The following SPRTN variants were observed in gnomAD, a reference collection of about 807,000 sequenced individuals.
SPRTN encodes the protein SprT-like N-terminal domain.
A neutral mutation model predicts 31.9 loss-of-function variants in SPRTN; 11 were observed. The ratio of observed to expected loss-of-function variants is 0.34; its 90% confidence interval spans 0.22 to 0.57. SPRTN has a LOEUF of 0.57. Ranked by LOEUF, SPRTN falls within the 20% of genes least tolerant of loss-of-function variation. SPRTN has a pLI of 0.86. For missense variants in SPRTN, 482 were observed against 590.1 expected, an observed-to-expected ratio of 0.82 and a Z score of 1.90; for synonymous variants, 185 against 212.1, an observed-to-expected ratio of 0.87 and a Z score of 1.11.
At chr1:231,351,205 T>TAA (rs35814914) in intron 3 of SPRTN, 99 bp from the exon 4 acceptor site, 3,525 of 971,606 alleles carry the variant, frequency 3.6e-3, no homozygotes, top group Non-Finnish European at 3.9e-3. Context: ...TTTCAAAAAT[T>TAA]AAAAAAAAAA....
intron 2 of SPRTN, among the ~76,000 whole-genome samples, chr1:231,346,491 T>C (rs1687068608): frequency 6.6e-6 from 1 of 151,990 alleles, no homozygotes; most frequent in African/African-American, 2.4e-5. Context: ...CATTTATACT[T>C]CTTCTGTGAA....
At chr1:231,345,918 TC>T (rs1687044143) in intron 2 of SPRTN, among the ~76,000 whole-genome samples, 1 of 152,150 alleles carries the variant, frequency 6.6e-6, no homozygotes, top group African/African-American at 2.4e-5. Flanking sequence ...CCTCAAGTGA[TC>T]CTCCCATCTC....
chr1:231,344,923 A>G (rs1220564044), intron 2 of SPRTN, among the ~76,000 whole-genome samples: 1 of 152,178 alleles, frequency 6.6e-6, no homozygotes, highest in African/African-American at 2.4e-5. Context: ...GCTATACACA[A>G]AGATGTCTTG....
At chr1:231,350,537 A>G (rs1687192846) in intron 3 of SPRTN, among the ~76,000 whole-genome samples, 3 of 152,080 alleles carry the variant, frequency 2.0e-5, no homozygotes, top group Admixed American at 2.0e-4. Context: ...AAGGCATCCT[A>G]CTTAAGGCCT....
chr1:231,350,869 C>A (rs781360108), intron 3 of SPRTN, among the ~76,000 whole-genome samples: 5 of 152,002 alleles, frequency 3.3e-5, no homozygotes, highest in Non-Finnish European at 5.9e-5. Flanking sequence ...CTTTAGAACC[C>A]TTTGCTATTT....
At chr1:231,340,706 G>A (rs1686855532) in intron 2 of SPRTN, among the ~76,000 whole-genome samples, 1 of 152,040 alleles carries the variant, frequency 6.6e-6, no homozygotes, top group Non-Finnish European at 1.5e-5. Context: ...GCTGAGGCAG[G>A]AGGATCTCTT....
intron 2 of SPRTN, among the ~76,000 whole-genome samples, chr1:231,345,607 C>G (rs1326125679): frequency 2.0e-5 from 3 of 152,182 alleles, no homozygotes; most frequent in Admixed American, 6.5e-5. Flanking sequence ...TGCATATGAC[C>G]TTGCATGCTA....
intron 2 of SPRTN, among the ~76,000 whole-genome samples, chr1:231,343,377 C>T (rs1206748720): frequency 6.6e-6 from 1 of 151,926 alleles, no homozygotes; most frequent in African/African-American, 2.4e-5. Context: ...TGTGTAAGTA[C>T]ACTCTTAAGA....
Position 231,351,489 on chromosome 1 carries a change from C to A in SPRTN, c.636C>A (p.Ile212=), listed in dbSNP as rs1687236381. The A allele has an allele frequency of 6.2e-7, 1 of 1,613,948 alleles. No individual in the cohort carries two copies. Among genetic ancestry groups the A allele is most frequent in the African/African-American group, 1.3e-5 (1 of 74,892 alleles). Residue 212 remains isoleucine (I), a synonymous_variant, in exon 4 of 5, where the codon ATC becomes ATA. Transcript: ENST00000295050. ...QKTCGGTYIK[I]KEPENYSKKG... ...CCTGTGGAGGCACTTACATAAAAATCAAGGAACCAGAGAATTACTCAAAAA... is the reference window on the plus strand; with the variant it reads ...CCTGTGGAGGCACTTACATAAAAATAAAGGAACCAGAGAATTACTCAAAAA...
At chr1:231,340,520 A>G (rs1185978848) in intron 2 of SPRTN, among the ~76,000 whole-genome samples, 1 of 152,210 alleles carries the variant, frequency 6.6e-6, no homozygotes, top group Non-Finnish European at 1.5e-5. Context: ...AGAAACAGAG[A>G]AAACAGGATC....
intron 2 of SPRTN, among the ~76,000 whole-genome samples, chr1:231,347,340 A>G (rs1687089515): frequency 6.6e-6 from 1 of 152,084 alleles, no homozygotes; most frequent in Non-Finnish European, 1.5e-5. Context: ...TTTTTATAGA[A>G]TGAGGTGGGT....
intron 3 of SPRTN, among the ~76,000 whole-genome samples, chr1:231,348,974 GTTTA>G (rs780395782): frequency 2.0e-5 from 3 of 151,972 alleles, no homozygotes; most frequent in Non-Finnish European, 2.9e-5. Flanking sequence ...GCCATGTTTT[GTTTA>G]TTTATTTATT....
At chr1:231,349,882 C>T (rs531102575) in intron 3 of SPRTN, among the ~76,000 whole-genome samples, 12 of 152,236 alleles carry the variant, frequency 7.9e-5, no homozygotes, top group African/African-American at 2.9e-4. Context: ...CGTGGTAGCT[C>T]ACGCCTGTAT....
Position 231,353,596 on chromosome 1 carries a change from G to T in SPRTN, c.*235G>T. ...GTATACTGTAACCCAGGTTCTGCCT[G>T]TCGTGTATAAGTTTTAGATACTTTT... On this transcript the variant is annotated 3_prime_UTR_variant, in exon 5 of 5. Transcript: ENST00000295050. The T allele has an allele frequency of 8.4e-7, 1 of 1,185,204 alleles. No individual in the cohort carries two copies. Among genetic ancestry groups the T allele is most frequent in the Non-Finnish European group, 1.0e-6 (1 of 957,460 alleles). 73.4% of individuals were successfully genotyped at this position (1,185,204 alleles called of 1,614,324 possible).
rs958991913 is a variant in SPRTN, at chr1:231,354,268, A to T, written c.*907A>T. 4.3e-5 allele frequency: 42 copies of T among 977,666 alleles called. No individual in the cohort carries two copies. Among genetic ancestry groups the T allele is most frequent in the Non-Finnish European group, 4.9e-5 (40 of 822,896 alleles). The allele number at this position is 977,666 out of a possible 1,614,324, so 60.6% of individuals were successfully genotyped here. On this transcript the variant is annotated 3_prime_UTR_variant, in exon 5 of 5. Coordinates refer to ENST00000295050, the MANE Select transcript of SPRTN (RefSeq NM_032018.7). ...ATTTTAAGTAATCTTTTTTAAAAAA[A>T]ATATTTTCCATGTTATAGGGAAAGG...
At chr1:231,342,301 T>G (rs1686918244) in intron 2 of SPRTN, among the ~76,000 whole-genome samples, 1 of 152,182 alleles carries the variant, frequency 6.6e-6, no homozygotes, top group African/African-American at 2.4e-5. Flanking sequence ...ATGGGGAATG[T>G]ATAATAGTAT....
Position 231,351,615 on chromosome 1 carries a change from A to G in SPRTN, c.718+44A>G, listed in dbSNP as rs776811619. 5.2e-5 allele frequency: 84 copies of G among 1,600,964 alleles called. 1 individual carries two copies. In the Admixed American group the frequency reaches 1.0e-3, roughly 19 times the overall value. On this transcript the variant is annotated intron_variant, in intron 4 of 4. Transcript: ENST00000295050. ...TTCTGATTTTTATGTGACCATAGCT[A>G]TGATGTAAAGACAATACTGTCCTTC...
At chr1:231,351,229 AGAC>A in intron 3 of SPRTN, 72 bp from the exon 4 acceptor site, 15 of 1,212,054 alleles carry the variant, frequency 1.2e-5, no homozygotes, top group South Asian at 3.4e-5. Context: ...AAAAAAAAAA[AGAC>A]TGCTTATGTA....
chr1:231,347,595 C>T lies in SPRTN; in HGVS notation c.322-202C>T, dbSNP rs550393448. The T allele has an allele frequency of 3.0e-5, 16 of 531,662 alleles. No individual in the cohort carries two copies. The South Asian group carries it at 5.1e-4, about 17-fold the overall frequency. The allele number at this position is 531,662 out of a possible 1,614,324, so 32.9% of individuals were successfully genotyped here. A position where few individuals can be genotyped will look rare whatever the true frequency, so the allele number is the denominator to read the frequency against. ...CCCAGGTTGGTCTCCAACCCCTGGG[C>T]TCAAGTGACCCTCCCACCTTTGCCT... is the stretch of plus-strand genomic sequence containing the variant. On this transcript the variant is annotated intron_variant, in intron 2 of 4. Transcript: ENST00000295050.
Sources: gnomAD v4.1 joint callset for allele counts (sites outside exome capture counted in the v4.1 genomes callset) on GRCh38, gnomAD v4.1.1 for gene constraint, MANE v1.5 for transcripts, NCBI Gene and HGNC (gene_info 2026-07-23, HGNC 2026-07-21) for gene names.